Variants in NHSL2 observed in about 807,000 individuals in gnomAD.
NHSL2 encodes the protein NHS-like protein 2.
A neutral mutation model predicts 53.4 loss-of-function variants in NHSL2; 27 were observed. The observed-to-expected ratio is 0.51, with a 90% CI of 0.37 to 0.70. NHSL2 has a LOEUF of 0.70. Ranked by LOEUF, NHSL2 falls within the 30% of genes least tolerant of loss-of-function variation. NHSL2 has a pLI of 0.00. For missense variants in NHSL2, 892 were observed against 980.1 expected (o/e 0.91, Z 1.20); for synonymous variants, 408 against 404.1 (o/e 1.01, Z -0.12).
At chrX:72,067,449 G>T (rs906956831) in intron 1 of NHSL2, among the ~76,000 whole-genome samples, 2 of 111,410 alleles carry the variant, frequency 1.8e-5, no homozygotes, top group Non-Finnish European at 3.8e-5. Context: ...AGTTGTCATG[G>T]TCCTGTCTTT....
chrX:72,128,783 C>G (rs1341750089), intron 1 of NHSL2: 1 of 113,123 alleles, frequency 8.8e-6, no homozygotes, highest in African/African-American at 3.2e-5. Context: ...GCCAATCAGG[C>G]CTCCTCTGCA....
At chrX:72,034,074 G>A (rs2042229276) in intron 1 of NHSL2, among the ~76,000 whole-genome samples, 1 of 111,676 alleles carries the variant, frequency 9.0e-6, no homozygotes, top group South Asian at 3.7e-4. Flanking sequence ...TCTTTACCAC[G>A]TTGAGGAAGT....
intron 1 of NHSL2, among the ~76,000 whole-genome samples, chrX:72,052,796 C>T (rs1443152931): frequency 8.9e-6 from 1 of 111,782 alleles, no homozygotes; most frequent in Non-Finnish European, 1.9e-5. Context: ...CTCTCCTGAG[C>T]CATCCCTCTC....
intron 1 of NHSL2, among the ~76,000 whole-genome samples, chrX:71,972,072 G>A (rs1315037143): frequency 9.3e-6 from 1 of 108,032 alleles, no homozygotes; most frequent in Non-Finnish European, 1.9e-5. Flanking sequence ...TTTCACTCTT[G>A]TTTCCAGGCT....
chrX:72,127,283 C>G (rs2042235794), intron 1 of NHSL2: 1 of 76,653 alleles, frequency 1.3e-5, no homozygotes, highest in South Asian at 1.2e-3. Context: ...CCCCTCCCCC[C>G]ACCCCTCTTT....
rs750207221 is a variant in NHSL2 at position 72,132,104 on chromosome X, T to G, written c.306T>G (p.Asn102Lys). Residue 102 changes from asparagine (N) to lysine (K), a missense_variant, in exon 2 of 8, where the codon AAT (asparagine) becomes AAG (lysine). Asn to Lys is a moderately conservative substitution (Grantham distance 94). Transcript: ENST00000633930. ...CTGCAGCTAACTCGGGTCGGGAAAA[T>G]GCGACAGCGACTGCCCACTCGAGGT... Reference protein sequence around the residue: ...ELAAANSGRENATATAHSRSS... With the variant: ...ELAAANSGREKATATAHSRSS... 8.1e-5 allele frequency: 94 copies of G among 1,164,649 alleles called. No individual in the cohort carries two copies. In the African/African-American group the frequency reaches 1.6e-3, roughly 20 times the overall value.
rs376177108 is a variant in NHSL2 at position 72,139,679 on chromosome X, C to T, written c.2131C>T (p.Pro711Ser). Residue 711 changes from proline to serine, a missense_variant, in exon 6 of 8, where the codon CCC becomes TCC. By Grantham distance (74) the Pro-to-Ser change is moderately conservative. Coordinates refer to ENST00000633930, the MANE Select transcript of NHSL2 (RefSeq NM_001013627.3). ...SPGRPPGLMS[P>S]SSGYSSQSET... The stretch of plus-strand genomic sequence containing the variant: ...GGGAAGGCCCCCTGGACTGATGTCA[C>T]CCTCCAGTGGCTACTCCAGCCAGTC... 31 of 1,209,024 alleles carry T rather than the reference C, an allele frequency of 2.6e-5. No homozygotes were observed. The highest frequency in any genetic ancestry group is 3.4e-5 in the Non-Finnish European group (30 of 894,770).
chrX:71,951,674 C>T (rs927239692), intron 1 of NHSL2, among the ~76,000 whole-genome samples: 48 of 112,178 alleles, frequency 4.3e-4, no homozygotes, highest in African/African-American at 1.2e-3. Flanking sequence ...GATGAAACTG[C>T]GCATTTAGTC....
At chrX:72,130,198 T>C (rs367678202) in intron 1 of NHSL2, 5 of 1,210,931 alleles carry the variant, frequency 4.1e-6, no homozygotes, top group Non-Finnish European at 5.6e-6. Context: ...CACCTCACCA[T>C]AGGTCTCCTC....
At chrX:72,046,962 A>G (rs1309791006) in intron 1 of NHSL2, among the ~76,000 whole-genome samples, 1 of 111,995 alleles carries the variant, frequency 8.9e-6, no homozygotes, top group African/African-American at 3.3e-5. Context: ...CAGAGAGGTT[A>G]AGTGACATCT....
At chrX:72,048,944 G>T (rs1320894994) in intron 1 of NHSL2, among the ~76,000 whole-genome samples, 1 of 106,312 alleles carries the variant, frequency 9.4e-6, no homozygotes, top group Non-Finnish European at 1.9e-5. Flanking sequence ...AGTTATGCTT[G>T]CCCCTGTCTG....
At chrX:71,968,040 A>G (rs904725662) in intron 1 of NHSL2, among the ~76,000 whole-genome samples, 15 of 107,862 alleles carry the variant, frequency 1.4e-4, no homozygotes, top group African/African-American at 4.8e-4. Flanking sequence ...CCCATTGTCC[A>G]GGCTGGAGTG....
chrX:71,915,882 T>C (rs774990812), intron 1 of NHSL2, among the ~76,000 whole-genome samples: 102 of 112,399 alleles, frequency 9.1e-4, no homozygotes, highest in Middle Eastern at 4.6e-3. Context: ...CTGTTACCTT[T>C]AGTAACTGAG....
chrX:72,047,994 C>T (rs1252271008), intron 1 of NHSL2, among the ~76,000 whole-genome samples: 1 of 109,025 alleles, frequency 9.2e-6, no homozygotes, highest in East Asian at 2.9e-4. Context: ...GATAGCTAAC[C>T]CAGACCTGTC....
At chrX:72,050,372 C>T (rs1361082588) in intron 1 of NHSL2, among the ~76,000 whole-genome samples, 3 of 111,364 alleles carry the variant, frequency 2.7e-5, no homozygotes, top group African/African-American at 9.8e-5. Flanking sequence ...GCTGTGTTGT[C>T]CTTCAGTAAG....
intron 1 of NHSL2, among the ~76,000 whole-genome samples, chrX:71,952,707 T>C (rs2041826239): frequency 9.0e-6 from 1 of 110,533 alleles, no homozygotes; most frequent in Non-Finnish European, 1.9e-5. Context: ...AACATACGAA[T>C]TTTGGGGGGC....
chrX:72,069,887 G>A, intron 1 of NHSL2: 1 of 301,114 alleles, frequency 3.3e-6, no homozygotes, highest in Admixed American at 6.1e-5. Flanking sequence ...CGAGGGAAAT[G>A]AGGGTGAACT....
At chrX:72,056,604 A>G (rs778678907) in intron 1 of NHSL2, among the ~76,000 whole-genome samples, 2 of 112,041 alleles carry the variant, frequency 1.8e-5, no homozygotes, top group Admixed American at 1.9e-4. Flanking sequence ...TGGCATGTCC[A>G]TGAGGATGGA....
chrX:72,079,919 C>A (rs1222802216), intron 1 of NHSL2: 1 of 112,833 alleles, frequency 8.9e-6, no homozygotes, highest in African/African-American at 3.2e-5. Flanking sequence ...GTGACTGGGC[C>A]GACGGGTCCA....
Sources: gnomAD v4.1 joint callset for allele counts (sites outside exome capture counted in the v4.1 genomes callset) on GRCh38, gnomAD v4.1.1 for gene constraint, MANE v1.5 for transcripts, NCBI Gene and HGNC (gene_info 2026-07-23, HGNC 2026-07-21) for gene names.